B3GALT1: variants seen among roughly 807,000 people sequenced by gnomAD.
B3GALT1 encodes beta-1,3-galactosyltransferase 1, also known as UDP-Gal:betaGlcNAc beta 1,3-galactosyltransferase, polypeptide 1.
B3GALT1 carries 10 observed loss-of-function variants against 23.2 expected under a neutral mutation model. The observed-to-expected ratio is 0.43, with a 90% CI of 0.27 to 0.73. B3GALT1 has a LOEUF of 0.73. B3GALT1 is among the 30% of genes least tolerant of loss of function. The pLI is 0.21. For synonymous variants in B3GALT1, 156 were observed against 141.5 expected, an observed-to-expected ratio of 1.10 and a Z score of -0.73; for missense variants, 299 against 405.4, an observed-to-expected ratio of 0.74 and a Z score of 2.25.
chr2:167,425,820 T>A (rs1216527262), intron 1 of B3GALT1, among the ~76,000 whole-genome samples: 1 of 152,238 alleles, frequency 6.6e-6, no homozygotes, highest in Admixed American at 6.5e-5. Flanking sequence ...AGGAGATGCA[T>A]GTGCGAAACC....
At position 167,776,513 on chromosome 2, in the gene B3GALT1, G is replaced by A. The variant is rs191158095; in HGVS notation, c.-351-42159G>A. Among the ~76,000 whole-genome samples, 5 of 152,280 alleles carry A rather than the reference G, an allele frequency of 3.3e-5. No individual in the cohort carries two copies. In the South Asian group the frequency reaches 6.2e-4, roughly 19 times the overall value. On this transcript the variant is annotated intron_variant, in intron 3 of 4. Transcript: ENST00000392690. ...GAGAACACGAGTGACTGAGCTAGGC[G>A]GAGTGCCGACCCATGGCAGGCACTC...
chr2:167,342,880 A>T (rs1433229039), intron 1 of B3GALT1, among the ~76,000 whole-genome samples: 2 of 152,158 alleles, frequency 1.3e-5, no homozygotes, highest in Non-Finnish European at 2.9e-5. Context: ...TATTCTCAAA[A>T]ATTATGCTTC....
intron 2 of B3GALT1, among the ~76,000 whole-genome samples, chr2:167,513,747 A>G (rs1054138535): frequency 6.6e-6 from 1 of 152,098 alleles, no homozygotes; most frequent in Non-Finnish European, 1.5e-5. Context: ...GTATGTTGAA[A>G]ACACCCATCA....
At chr2:167,695,552 G>A (rs1039655592) in intron 3 of B3GALT1, among the ~76,000 whole-genome samples, 8 of 152,026 alleles carry the variant, frequency 5.3e-5, no homozygotes, top group Non-Finnish European at 1.2e-4. Context: ...TTCCCTATAC[G>A]TCTAAGAATA....
chr2:167,847,146 A>T (rs1160715915), intron 4 of B3GALT1, among the ~76,000 whole-genome samples: 1 of 152,222 alleles, frequency 6.6e-6, no homozygotes, highest in Non-Finnish European at 1.5e-5. Context: ...AGACAGCAAC[A>T]CAATAATCAT....
chr2:167,808,488 A>G (rs941617383), intron 3 of B3GALT1, among the ~76,000 whole-genome samples: 1 of 151,712 alleles, frequency 6.6e-6, no homozygotes, highest in Admixed American at 6.6e-5. Flanking sequence ...GGTGGTGACA[A>G]AATCTCTCAG....
chr2:167,847,344 C>G (rs1037155841), intron 4 of B3GALT1, among the ~76,000 whole-genome samples: 1 of 152,006 alleles, frequency 6.6e-6, no homozygotes, highest in Non-Finnish European at 1.5e-5. Context: ...GGCCATACAA[C>G]AAGTCTCAAT....
At chr2:167,782,061 T>G (rs922385847) in intron 3 of B3GALT1, among the ~76,000 whole-genome samples, 21 of 152,088 alleles carry the variant, frequency 1.4e-4, no homozygotes, top group Non-Finnish European at 5.9e-5. Flanking sequence ...TTATTTATGG[T>G]TGTGATGGGG....
intron 3 of B3GALT1, among the ~76,000 whole-genome samples, chr2:167,720,991 G>A (rs1687222735): frequency 1.3e-5 from 2 of 151,916 alleles, no homozygotes; most frequent in Non-Finnish European, 2.9e-5. Flanking sequence ...TATTGTTATT[G>A]TTCAGCATTC....
At chr2:167,701,713 A>G (rs999255618) in intron 3 of B3GALT1, among the ~76,000 whole-genome samples, 2 of 152,222 alleles carry the variant, frequency 1.3e-5, no homozygotes, top group African/African-American at 4.8e-5. Context: ...GCATAATTGC[A>G]AATAAAATGC....
chr2:167,843,562 G>A (rs1393917336), intron 4 of B3GALT1, among the ~76,000 whole-genome samples: 1 of 152,200 alleles, frequency 6.6e-6, no homozygotes, highest in African/African-American at 2.4e-5. Context: ...TAGAAGTGAT[G>A]TGTCTTTGTC....
At chr2:167,465,832 G>T (rs528797217) in intron 1 of B3GALT1, among the ~76,000 whole-genome samples, 1 of 152,152 alleles carries the variant, frequency 6.6e-6, no homozygotes, top group African/African-American at 2.4e-5. Context: ...TCATACACCT[G>T]CAGGGAAAGT....
chr2:167,332,109 G>C (rs986154617), intron 1 of B3GALT1, among the ~76,000 whole-genome samples: 6 of 152,094 alleles, frequency 3.9e-5, no homozygotes, highest in Admixed American at 2.6e-4. Context: ...GACTTTTCAT[G>C]GTTTCCAGGA....
At chr2:167,701,009 C>CG (rs1686874202) in intron 3 of B3GALT1, among the ~76,000 whole-genome samples, 1 of 152,156 alleles carries the variant, frequency 6.6e-6, no homozygotes, top group Non-Finnish European at 1.5e-5. Context: ...TACCATGTAC[C>CG]GTGGATTGTG....
intron 1 of B3GALT1, among the ~76,000 whole-genome samples, chr2:167,358,543 A>G (rs1371773956): frequency 6.6e-6 from 1 of 152,126 alleles, no homozygotes; most frequent in Non-Finnish European, 1.5e-5. Flanking sequence ...TTTTTTAGTA[A>G]TAATGAACTT....
chr2:167,763,711 A>AG (rs1458709668), intron 3 of B3GALT1, among the ~76,000 whole-genome samples: 1 of 150,736 alleles, frequency 6.6e-6, no homozygotes, highest in Admixed American at 6.6e-5. Flanking sequence ...AAAAAAAAAA[A>AG]CCTCTAGGAA....
intron 1 of B3GALT1, among the ~76,000 whole-genome samples, chr2:167,450,633 C>A (rs950772012): frequency 1.3e-5 from 2 of 152,190 alleles, no homozygotes; most frequent in Non-Finnish European, 2.9e-5. Context: ...AGATTCTTTC[C>A]TTCATCTTGT....
chr2:167,432,293 T>C (rs1299393365), intron 1 of B3GALT1, among the ~76,000 whole-genome samples: 1 of 152,172 alleles, frequency 6.6e-6, no homozygotes, highest in Non-Finnish European at 1.5e-5. Context: ...TGTTGATCTG[T>C]AATAGTGGCA....
intron 2 of B3GALT1, among the ~76,000 whole-genome samples, chr2:167,579,658 A>C (rs1684449695): frequency 6.6e-6 from 1 of 151,988 alleles, no homozygotes; most frequent in Non-Finnish European, 1.5e-5. Flanking sequence ...TGTTGAGAAA[A>C]CAAGGAATTT....
Sources: gnomAD v4.1 joint callset for allele counts (sites outside exome capture counted in the v4.1 genomes callset) on GRCh38, gnomAD v4.1.1 for gene constraint, MANE v1.5 for transcripts, NCBI Gene and HGNC (gene_info 2026-07-23, HGNC 2026-07-21) for gene names.